Variants in FHIP1A observed in about 807,000 individuals in gnomAD.
FHIP1A encodes FHF complex subunit HOOK interacting protein 1A.
In FHIP1A, 61 loss-of-function variants were observed where a neutral mutation model predicts 88.6. The ratio of observed to expected loss-of-function variants is 0.69; its 90% CI spans 0.56 to 0.85. FHIP1A has a LOEUF of 0.85. Among genes scored for constraint, FHIP1A ranks in the 40% least tolerant of loss-of-function variants. The pLI, the probability that FHIP1A is intolerant of heterozygous loss-of-function variation, is 0.00. For missense variants in FHIP1A, 1,154 were observed against 1,273.5 expected (o/e 0.91, Z 1.43); for synonymous variants, 478 against 496.0 (o/e 0.96, Z 0.48).
At chr4:151,568,219 C>G (rs915027190) in intron 4 of FHIP1A, among the ~76,000 whole-genome samples, 1 of 152,174 alleles carries the variant, frequency 6.6e-6, no homozygotes, top group East Asian at 1.9e-4. Flanking sequence ...TTTGGGTTCT[C>G]TGAAGCACAG....
chr4:151,410,296 C>T (rs1022423788), intron 1 of FHIP1A, among the ~76,000 whole-genome samples: 3 of 152,172 alleles, frequency 2.0e-5, no homozygotes, highest in African/African-American at 7.2e-5. Context: ...ACAGGGAAAC[C>T]CCCCTGAAGG....
chr4:151,432,891 A>G (rs1017718301), intron 1 of FHIP1A, among the ~76,000 whole-genome samples: 8 of 152,102 alleles, frequency 5.3e-5, no homozygotes, highest in African/African-American at 1.9e-4. Flanking sequence ...GAGAGGAGGA[A>G]GTGCTTACTT....
chr4:151,449,262 A>T (rs1231235176), intron 1 of FHIP1A, among the ~76,000 whole-genome samples: 1 of 152,160 alleles, frequency 6.6e-6, no homozygotes, highest in Non-Finnish European at 1.5e-5. Flanking sequence ...TTTTCACTAC[A>T]ATCCTTTGAG....
intron 7 of FHIP1A, among the ~76,000 whole-genome samples, chr4:151,626,631 T>G (rs1304412003): frequency 6.6e-6 from 1 of 152,236 alleles, no homozygotes; most frequent in Admixed American, 6.5e-5. Flanking sequence ...TTATTGCGTA[T>G]GATATGGCAG....
chr4:151,572,196 G>C (rs910035665), intron 4 of FHIP1A, among the ~76,000 whole-genome samples: 8 of 152,192 alleles, frequency 5.3e-5, no homozygotes, highest in African/African-American at 1.9e-4. Context: ...GACAGAGCGA[G>C]ACTCCATCTC....
At chr4:151,657,962 C>T (rs916976113) in intron 13 of FHIP1A, among the ~76,000 whole-genome samples, 6 of 152,176 alleles carry the variant, frequency 3.9e-5, no homozygotes, top group South Asian at 4.1e-4. Context: ...AGGTGCTTTC[C>T]GGCTGAAGCC....
intron 1 of FHIP1A, among the ~76,000 whole-genome samples, chr4:151,438,502 TTAAC>T (rs1299525529): frequency 6.6e-6 from 1 of 151,944 alleles, no homozygotes; most frequent in Non-Finnish European, 1.5e-5. Flanking sequence ...TGGGATTTGT[TTAAC>T]TAAAAAACAA....
At chr4:151,472,487 T>C (rs941084071) in intron 2 of FHIP1A, among the ~76,000 whole-genome samples, 6 of 152,252 alleles carry the variant, frequency 3.9e-5, no homozygotes, top group Admixed American at 2.6e-4. Context: ...CAGCCACCTG[T>C]GGGGATAAAA....
intron 2 of FHIP1A, among the ~76,000 whole-genome samples, chr4:151,468,350 G>A (rs1252053195): frequency 6.8e-6 from 1 of 147,394 alleles, no homozygotes; most frequent in African/African-American, 2.5e-5. Flanking sequence ...CAGAAACTTT[G>A]AGGCTGGAGC....
chr4:151,533,592 A>G (rs779637166), intron 3 of FHIP1A, among the ~76,000 whole-genome samples: 4 of 152,216 alleles, frequency 2.6e-5, no homozygotes, highest in African/African-American at 4.8e-5. Context: ...ATCACATAAC[A>G]TGTGACCAGG....
At chr4:151,532,805 G>T (rs989208238) in intron 3 of FHIP1A, among the ~76,000 whole-genome samples, 1 of 152,096 alleles carries the variant, frequency 6.6e-6, no homozygotes, top group African/African-American at 2.4e-5. Context: ...GAGGTGAAAG[G>T]GACTTCTTAC....
At chr4:151,644,512 C>T (rs896885639) in intron 9 of FHIP1A, among the ~76,000 whole-genome samples, 2 of 152,036 alleles carry the variant, frequency 1.3e-5, no homozygotes, top group Admixed American at 6.5e-5. Context: ...CCACTACACC[C>T]GGCTAACTCT....
intron 3 of FHIP1A, among the ~76,000 whole-genome samples, chr4:151,506,255 G>A (rs1205116906): frequency 2.6e-5 from 4 of 152,026 alleles, no homozygotes; most frequent in African/African-American, 9.7e-5. Flanking sequence ...GAAGAGAAGG[G>A]CCATTTTTGG....
chr4:151,657,728 A>C (rs1737302062), intron 13 of FHIP1A, among the ~76,000 whole-genome samples: 1 of 152,200 alleles, frequency 6.6e-6, no homozygotes, highest in South Asian at 2.1e-4. Context: ...GGGGAGAGTA[A>C]GGCTCTCAGT....
intron 4 of FHIP1A, 148 bp from the exon 5 acceptor site, chr4:151,577,302 G>GACAC (rs144415896): frequency 1.8e-5 from 11 of 599,052 alleles, no homozygotes; most frequent in African/African-American, 9.4e-5. Flanking sequence ...TTGAGAGGGA[G>GACAC]ACACACACAC....
chr4:151,638,711 T>C lies in FHIP1A; in HGVS notation c.1181T>C (p.Leu394Pro). ...CVVSLALFRT[L>P]IGLHCEDVML... Reference sequence around the variant, plus strand: ...GTGTCTCTGGCATTATTCAGAACTCTCATTGGTTTACATTGTGAAGATGTG... The same window carrying C: ...GTGTCTCTGGCATTATTCAGAACTCCCATTGGTTTACATTGTGAAGATGTG... Residue 394 changes from leucine to proline, a missense_variant, in exon 9 of 14, where the codon CTC becomes CCC. Transcript: ENST00000435205. 1 of 1,550,704 alleles carries C rather than the reference T, an allele frequency of 6.4e-7. No individual in the cohort carries two copies. The highest frequency in any genetic ancestry group is 8.7e-7 in the Non-Finnish European group (1 of 1,146,332).
At chr4:151,459,720 A>G (rs1236705189) in intron 2 of FHIP1A, among the ~76,000 whole-genome samples, 1 of 152,198 alleles carries the variant, frequency 6.6e-6, no homozygotes, top group Non-Finnish European at 1.5e-5. Flanking sequence ...GTAGTACTGC[A>G]TTAATCTTTG....
At chr4:151,549,520 C>T (rs1387814952) in intron 3 of FHIP1A, among the ~76,000 whole-genome samples, 5 of 150,052 alleles carry the variant, frequency 3.3e-5, no homozygotes, top group African/African-American at 1.2e-4. Context: ...AATAGTTACC[C>T]TATATGGTGA....
At chr4:151,624,548 T>C (rs1425099874) in intron 7 of FHIP1A, among the ~76,000 whole-genome samples, 1 of 152,202 alleles carries the variant, frequency 6.6e-6, no homozygotes, top group Non-Finnish European at 1.5e-5. Context: ...ATTATACTAA[T>C]ATATTTAATG....
Sources: allele counts gnomAD v4.1 joint callset (sites outside exome capture counted in the v4.1 genomes callset), GRCh38; gene constraint gnomAD v4.1.1; transcripts MANE v1.5; gene names NCBI Gene and HGNC (gene_info 2026-07-23, HGNC 2026-07-21).